Variants in SCD5 observed in about 807,000 individuals in gnomAD.
SCD5 encodes the protein stearoyl-CoA desaturase 5, also known as acyl-CoA-desaturase 4.
SCD5 carries 20 observed loss-of-function variants against 30.4 expected under a neutral mutation model. The ratio of observed to expected loss-of-function variants is 0.66; its 90% CI spans 0.46 to 0.96. The LOEUF is 0.96. Among genes scored for constraint, SCD5 ranks in the 40% least tolerant of loss-of-function variants. The pLI, the probability that SCD5 is intolerant of heterozygous loss-of-function variation, is 0.00. For missense variants in SCD5, 381 were observed against 443.3 expected (o/e 0.86, Z 1.26); for synonymous variants, 173 against 176.4 (o/e 0.98, Z 0.16).
At chr4:82,665,605 C>T (rs1279274390) in intron 3 of SCD5, among the ~76,000 whole-genome samples, 3 of 151,880 alleles carry the variant, frequency 2.0e-5, no homozygotes, top group South Asian at 2.1e-4. Flanking sequence ...GTAAAAATAC[C>T]TTTAAAAAAT....
intron 3 of SCD5, among the ~76,000 whole-genome samples, chr4:82,678,924 G>A (rs1370216749): frequency 6.6e-6 from 1 of 152,040 alleles, no homozygotes; most frequent in Non-Finnish European, 1.5e-5. Context: ...CTTGTTGGCT[G>A]GGCGCAGTGG....
At chr4:82,640,777 T>TG (rs2148812661) in intron 3 of SCD5, among the ~76,000 whole-genome samples, 1 of 152,068 alleles carries the variant, frequency 6.6e-6, no homozygotes, top group African/African-American at 2.4e-5. Flanking sequence ...CACTCAAACA[T>TG]GAATGGTCTG....
intron 1 of SCD5, among the ~76,000 whole-genome samples, chr4:82,796,635 C>T (rs1722226839): frequency 6.6e-6 from 1 of 152,110 alleles, no homozygotes; most frequent in African/African-American, 2.4e-5. Context: ...ATTTTAAGTG[C>T]TCACTTTTCC....
intron 3 of SCD5, among the ~76,000 whole-genome samples, chr4:82,658,419 C>T (rs192877778): frequency 5.3e-5 from 8 of 150,022 alleles, no homozygotes; most frequent in Middle Eastern, 3.5e-3. Flanking sequence ...GTATGTTGAA[C>T]GAGCCTTGCA....
intron 1 of SCD5, among the ~76,000 whole-genome samples, chr4:82,776,613 G>A (rs1376852511): frequency 6.6e-6 from 1 of 152,158 alleles, no homozygotes; most frequent in Non-Finnish European, 1.5e-5. Context: ...GACCTGTGGT[G>A]AGCCAGCCTC....
intron 1 of SCD5, among the ~76,000 whole-genome samples, chr4:82,741,574 G>A (rs1720873686): frequency 1.3e-5 from 2 of 152,250 alleles, no homozygotes; most frequent in African/African-American, 4.8e-5. Flanking sequence ...GTCTATCGAT[G>A]TTGTTTTAAA....
At chr4:82,796,133 G>A (rs971516989) in intron 1 of SCD5, among the ~76,000 whole-genome samples, 9 of 151,972 alleles carry the variant, frequency 5.9e-5, no homozygotes, top group Non-Finnish European at 1.2e-4. Flanking sequence ...AGCCGGGCGT[G>A]GTGGCGGGCA....
intron 1 of SCD5, among the ~76,000 whole-genome samples, chr4:82,776,996 G>A (rs895991078): frequency 1.3e-5 from 2 of 152,218 alleles, no homozygotes; most frequent in African/African-American, 2.4e-5. Flanking sequence ...CTGGGAAGCT[G>A]TGCTGAACTA....
At chr4:82,682,855 G>A (rs6419259) in intron 2 of SCD5, among the ~76,000 whole-genome samples, 120,823 of 152,024 alleles carry the variant, frequency 0.79, 48,239 homozygotes, top group Middle Eastern at 0.87. Context: ...TTGCTCTGTC[G>A]CCCAGGCTGG....
intron 3 of SCD5, among the ~76,000 whole-genome samples, chr4:82,654,146 A>T (rs1434177918): frequency 6.6e-6 from 1 of 152,086 alleles, no homozygotes; most frequent in Non-Finnish European, 1.5e-5. Flanking sequence ...TGAACTCCTG[A>T]CCTCAGGTAA....
chr4:82,659,481 T>G (rs1399047403), intron 3 of SCD5, among the ~76,000 whole-genome samples: 1 of 152,206 alleles, frequency 6.6e-6, no homozygotes, highest in Non-Finnish European at 1.5e-5. Flanking sequence ...GCTATAGATT[T>G]CCCTCTAAAC....
chr4:82,754,326 A>G lies in SCD5; in HGVS notation c.232+43980T>C, dbSNP rs567255063. Among the ~76,000 whole-genome samples the G allele has an allele frequency of 6.6e-5, 10 of 152,374 alleles. 2 individuals carry two copies. The highest frequency in any genetic ancestry group is 2.4e-4 in the African/African-American group (10 of 41,594). ...CTGCTTTTCAACCTCCTCAGTTTTC[A>G]TATCACAGAAAAGCAGCTAAATCTT... On this transcript the variant is annotated intron_variant, in intron 1 of 4. Coordinates refer to ENST00000319540, the MANE Select transcript of SCD5 (RefSeq NM_001037582.3).
At chr4:82,667,469 T>C (rs909437034) in intron 3 of SCD5, among the ~76,000 whole-genome samples, 1 of 152,236 alleles carries the variant, frequency 6.6e-6, no homozygotes, top group African/African-American at 2.4e-5. Context: ...AGGGAAATTT[T>C]GGTGTTGATG....
chr4:82,772,710 T>C (rs1721654124), intron 1 of SCD5, among the ~76,000 whole-genome samples: 1 of 152,200 alleles, frequency 6.6e-6, no homozygotes. Flanking sequence ...GCACCTCTTG[T>C]AGGACCCCAT....
At chr4:82,779,681 C>G (rs1369428221) in intron 1 of SCD5, among the ~76,000 whole-genome samples, 1 of 152,214 alleles carries the variant, frequency 6.6e-6, no homozygotes, top group Non-Finnish European at 1.5e-5. Flanking sequence ...CTTAACAGCT[C>G]TGTGACCTTG....
chr4:82,795,979 AAG>A (rs557956572), intron 1 of SCD5, among the ~76,000 whole-genome samples: 316 of 151,276 alleles, frequency 2.1e-3, no homozygotes, highest in Middle Eastern at 3.5e-3. Context: ...GGAGAGAATT[AAG>A]ACTTACGGGC....
intron 1 of SCD5, chr4:82,775,405 C>A (rs1316368837): frequency 6.6e-6 from 1 of 152,030 alleles, no homozygotes; most frequent in East Asian, 1.9e-4. Flanking sequence ...ATGTTGAGGG[C>A]AGATAAAGGA....
chr4:82,670,841 T>C (rs1329620400), intron 3 of SCD5, among the ~76,000 whole-genome samples: 4 of 151,930 alleles, frequency 2.6e-5, no homozygotes, highest in African/African-American at 9.7e-5. Flanking sequence ...TCCATATCAA[T>C]TGATATGGCA....
At chr4:82,660,547 C>G (rs566232574) in intron 3 of SCD5, 1 of 1,149,408 alleles carries the variant, frequency 8.7e-7, no homozygotes, top group Non-Finnish European at 1.1e-6. Context: ...TATTGCACAT[C>G]TCCTCCATAC....
Sources: allele counts gnomAD v4.1 joint callset (sites outside exome capture counted in the v4.1 genomes callset), GRCh38; gene constraint gnomAD v4.1.1; transcripts MANE v1.5; gene names NCBI Gene and HGNC (gene_info 2026-07-23, HGNC 2026-07-21).